The following TJAP1 variants were observed in gnomAD, a reference collection of about 807,000 sequenced individuals.
TJAP1 encodes tight junction-associated protein 1.
A neutral mutation model predicts 42.0 loss-of-function variants in TJAP1; 27 were observed. The observed-to-expected ratio is 0.64, with a 90% CI of 0.47 to 0.89. The LOEUF is 0.89. Ranked by LOEUF, TJAP1 falls within the 40% of genes least tolerant of loss-of-function variation. The probability of loss-of-function intolerance (pLI) is 0.00; values close to 1 mark genes in which losing one functional copy is unlikely to be tolerated. For missense variants in TJAP1, 712 were observed against 726.9 expected, an observed-to-expected ratio of 0.98 and a Z score of 0.24; for synonymous variants, 257 against 288.4, an observed-to-expected ratio of 0.89 and a Z score of 1.10.
At chr6:43,480,407 A>G (rs953915809) in intron 2 of TJAP1, among the ~76,000 whole-genome samples, 9 of 152,254 alleles carry the variant, frequency 5.9e-5, no homozygotes, top group South Asian at 2.1e-4. Context: ...AGGCTACACA[A>G]TTATCTTTGC....
chr6:43,491,686 T>C lies in TJAP1; in HGVS notation c.-121-6195T>C, dbSNP rs1787866609. On this transcript the variant is annotated intron_variant, in intron 2 of 10. Coordinates refer to ENST00000372449, the Ensembl canonical transcript of TJAP1. The surrounding 1 kb of genome is among the most constrained non-coding windows in gnomAD (Gnocchi z 4.6). ...TTTATAGTACTGATCAATATCCATG[T>C]GGAAATGAATTTTATTATATGATTA... Among the ~76,000 whole-genome samples, 1 of 152,232 alleles carries C rather than the reference T, an allele frequency of 6.6e-6. No homozygotes were observed. Among genetic ancestry groups the C allele is most frequent in the Non-Finnish European group, 1.5e-5 (1 of 68,042 alleles).
At position 43,505,668 on chromosome 6, in the gene TJAP1, G is replaced by T; in HGVS notation, c.1487G>T (p.Arg496Leu). The change falls in exon 11 of 11, where the codon CGC (arginine) becomes CTC (leucine). Residue 496 changes from arginine to leucine, a missense_variant. Around this residue, in one of 3 missense-constraint regions of TJAP1, gnomAD observed 549 missense variants for 528.2 expected, o/e 1.04. Transcript: ENST00000372449. This position sits in a 1 kb window ranked among gnomAD's most constrained non-coding sequence, Gnocchi z 5.5. ...CTGCCTATCAGTCCTGAGGAAGAGC[G>T]CCAGAGCCTGCTGCCCATTAACAGG... The T allele has an allele frequency of 6.2e-7, 1 of 1,608,772 alleles. No homozygotes were observed. Among genetic ancestry groups the T allele is most frequent in the East Asian group, 2.2e-5 (1 of 44,770 alleles).
At chr6:43,493,257 C>G (rs993510575) in intron 2 of TJAP1, among the ~76,000 whole-genome samples, 1 of 152,202 alleles carries the variant, frequency 6.6e-6, no homozygotes, top group Admixed American at 6.5e-5. Context: ...CTTAAGGTCT[C>G]TCACTTGCTT....
At chr6:43,480,857 T>C (rs918535371) in intron 2 of TJAP1, among the ~76,000 whole-genome samples, 3 of 152,178 alleles carry the variant, frequency 2.0e-5, no homozygotes, top group Admixed American at 2.0e-4. Context: ...AGATAACTTA[T>C]TATCCCTGTC....
intron 2 of TJAP1, among the ~76,000 whole-genome samples, chr6:43,486,223 C>G (rs1364574831): frequency 6.6e-6 from 1 of 151,978 alleles, no homozygotes; most frequent in Non-Finnish European, 1.5e-5. Context: ...CCTCGGTCTC[C>G]CAAAGTGCAG....
intron 2 of TJAP1, among the ~76,000 whole-genome samples, chr6:43,488,055 G>T (rs1018300673): frequency 3.9e-5 from 6 of 152,096 alleles, no homozygotes; most frequent in African/African-American, 1.4e-4. Flanking sequence ...ATTTTTAGTA[G>T]AGACGGGGGT....
At chr6:43,481,773 T>C (rs1354459083) in intron 2 of TJAP1, among the ~76,000 whole-genome samples, 1 of 152,132 alleles carries the variant, frequency 6.6e-6, no homozygotes, top group African/African-American at 2.4e-5. Flanking sequence ...CAAGGTTTCA[T>C]TGACTGGCTT....
Position 43,492,807 on chromosome 6 carries a change from A to G in TJAP1, c.-121-5074A>G, listed in dbSNP as rs1788102061. Among the ~76,000 whole-genome samples, 1 of 152,110 alleles carries G rather than the reference A, an allele frequency of 6.6e-6. No individual in the cohort carries two copies. The highest frequency in any genetic ancestry group is 1.5e-5 in the Non-Finnish European group (1 of 67,996). On this transcript the variant is annotated intron_variant, in intron 2 of 10. Transcript: ENST00000372449. This position sits in a 1 kb window ranked among gnomAD's most constrained non-coding sequence, Gnocchi z 4.2. The stretch of plus-strand genomic sequence containing the variant: ...CCTTAGACATCAGTTGGGGGCAGAG[A>G]CTGGATTTCAGAGGCTTGAGAAGCG...
rs73426727 is a variant in TJAP1 at position 43,495,659 on chromosome 6, A to C, written c.-121-2222A>C. ...GGCAGAGAGAATAACCTCCCATCAC[A>C]ACCACCCCCATCCCCAGAGAGTCTG... On this transcript the variant is annotated intron_variant, in intron 2 of 10. Transcript: ENST00000372449. This position sits in a 1 kb window ranked among gnomAD's most constrained non-coding sequence, Gnocchi z 4.6. Among the ~76,000 whole-genome samples the C allele has an allele frequency of 0.14, 21,811 of 152,090 alleles. 3,075 individuals are homozygous for C. Among genetic ancestry groups the C allele is most frequent in the African/African-American group, 0.37 (15,193 of 41,424 alleles).
intron 5 of TJAP1, chr6:43,501,024 T>C (rs913091713): frequency 1.9e-6 from 1 of 535,082 alleles, no homozygotes; most frequent in African/African-American, 1.9e-5. Context: ...CTGCTCTTCT[T>C]GCTAAGGAGC....
chr6:43,490,433 C>T (rs1454288351), intron 2 of TJAP1, among the ~76,000 whole-genome samples: 1 of 152,200 alleles, frequency 6.6e-6, no homozygotes, highest in Non-Finnish European at 1.5e-5. Context: ...GACAGATGAA[C>T]TAGAGTGGGA....
chr6:43,505,154 C>T lies in TJAP1; in HGVS notation c.973C>T (p.Leu325=). ...CCCAACCCCGTCTCCACCACACCCACTGTATCCTGGCCGCAGGGTAATAGA... is the reference window on the plus strand; with the variant it reads ...CCCAACCCCGTCTCCACCACACCCATTGTATCCTGGCCGCAGGGTAATAGA... The change falls in exon 11 of 11, where the codon CTG becomes TTG. Residue 325 remains leucine (L), a synonymous_variant. Coordinates refer to ENST00000372449, the Ensembl canonical transcript of TJAP1. This position sits in a 1 kb window ranked among gnomAD's most constrained non-coding sequence, Gnocchi z 5.5. 1 of 1,614,232 alleles carries T rather than the reference C, an allele frequency of 6.2e-7. No individual in the cohort carries two copies. Among genetic ancestry groups the T allele is most frequent in the Non-Finnish European group, 8.5e-7 (1 of 1,180,024 alleles).
intron 5 of TJAP1, 194 bp downstream of exon 5, chr6:43,500,966 T>C (rs1790387995): frequency 3.1e-6 from 2 of 648,048 alleles, no homozygotes; most frequent in East Asian, 2.8e-5. Context: ...TATTGTTCCA[T>C]GGGCTTCAAG....
chr6:43,483,424 G>A (rs1429326945), intron 2 of TJAP1, among the ~76,000 whole-genome samples: 1 of 152,188 alleles, frequency 6.6e-6, no homozygotes, highest in Non-Finnish European at 1.5e-5. Flanking sequence ...CTAAGACCCA[G>A]CTCCTTTGTC....
intron 5 of TJAP1, 114 bp downstream of exon 5, chr6:43,500,886 G>A: frequency 7.5e-7 from 1 of 1,324,764 alleles, no homozygotes; most frequent in African/African-American, 1.4e-5. Flanking sequence ...ATAAAGGTTG[G>A]GATGGGTTGT....
chr6:43,481,276 G>T (rs548968492), intron 2 of TJAP1, among the ~76,000 whole-genome samples: 1 of 152,210 alleles, frequency 6.6e-6, no homozygotes, highest in Admixed American at 6.6e-5. Flanking sequence ...ACTTGGTGAT[G>T]TGATGCAACC....
In TJAP1 at chr6:43,505,864, C is replaced by T; in HGVS notation, c.*9C>T. ...GCAACCTGCTCAACTAGGGCCCCTG[C>T]TGGCCTTCCTGCCATTGCTGCACCA... is the stretch of plus-strand genomic sequence containing the variant. On this transcript the variant is annotated 3_prime_UTR_variant, in exon 11 of 11. Transcript: ENST00000372449. This position sits in a 1 kb window ranked among gnomAD's most constrained non-coding sequence, Gnocchi z 5.5. The T allele has an allele frequency of 1.4e-6, 2 of 1,446,682 alleles. No individual in the cohort carries two copies. Among genetic ancestry groups the T allele is most frequent in the Non-Finnish European group, 1.8e-6 (2 of 1,103,966 alleles). 89.6% of individuals were successfully genotyped at this position (1,446,682 alleles called of 1,614,324 possible). A position where few individuals can be genotyped will look rare whatever the true frequency, so the allele number is the denominator to read the frequency against.
At chr6:43,502,935 G>A in intron 8 of TJAP1, 1 of 520,058 alleles carries the variant, frequency 1.9e-6, no homozygotes, top group South Asian at 2.1e-5. Flanking sequence ...CTGAACTGGA[G>A]ATCAGAAGGC....
chr6:43,498,536 C>G (rs994517639), intron 3 of TJAP1, among the ~76,000 whole-genome samples: 2 of 152,184 alleles, frequency 1.3e-5, no homozygotes, highest in African/African-American at 2.4e-5. Context: ...GGCAACAGAG[C>G]AAGACCCTGT....
Sources: gnomAD v4.1 joint callset for allele counts (sites outside exome capture counted in the v4.1 genomes callset) on GRCh38, gnomAD v4.1.1 for gene constraint, gnomAD v4.1.1 regional missense constraint, Gnocchi (gnomAD v3.1) non-coding constraint, MANE v1.5 for transcripts, NCBI Gene and HGNC (gene_info 2026-07-23, HGNC 2026-07-21) for gene names.